Variants in CACNA2D1 observed in about 807,000 individuals in gnomAD.
CACNA2D1 encodes calcium voltage-gated channel auxiliary subunit alpha2delta 1, also known as voltage-dependent calcium channel subunit alpha-2/delta-1.
CACNA2D1 carries 53 observed loss-of-function variants against 171.5 expected under a neutral mutation model. The observed-to-expected ratio is 0.31, with a 90% confidence interval of 0.25 to 0.39. CACNA2D1 has a LOEUF of 0.39. Ranked by LOEUF, CACNA2D1 falls within the 10% of genes least tolerant of loss-of-function variation. The pLI, the probability that CACNA2D1 is intolerant of heterozygous loss-of-function variation, is 1.00. For synonymous variants in CACNA2D1, 442 were observed against 443.1 expected, an observed-to-expected ratio of 1.00 and a Z score of 0.03; for missense variants, 903 against 1,299.8, an observed-to-expected ratio of 0.69 and a Z score of 4.69.
At chr7:82,021,593 A>G (rs971065302) in intron 12 of CACNA2D1, among the ~76,000 whole-genome samples, 24 of 152,112 alleles carry the variant, frequency 1.6e-4, no homozygotes, top group African/African-American at 4.8e-4. Flanking sequence ...ACCATGCATC[A>G]AGTACTGTGC....
intron 10 of CACNA2D1, among the ~76,000 whole-genome samples, chr7:82,059,069 T>C (rs935630711): frequency 4.6e-5 from 7 of 152,144 alleles, no homozygotes; most frequent in Admixed American, 4.6e-4. Flanking sequence ...CTTTCTAGTC[T>C]CCCTTGGTGA....
chr7:82,033,007 A>G (rs189565990), intron 11 of CACNA2D1, 106 bp from the exon 12 acceptor site: 12 of 696,800 alleles, frequency 1.7e-5, no homozygotes, highest in Middle Eastern at 5.5e-4. Flanking sequence ...AATTAATGAA[A>G]TATCTGCTCA....
intron 1 of CACNA2D1, among the ~76,000 whole-genome samples, chr7:82,370,073 A>G (rs1370587160): frequency 2.0e-5 from 3 of 152,042 alleles, no homozygotes; most frequent in African/African-American, 7.2e-5. Context: ...TACCATAGAG[A>G]TATGTGAAAA....
chr7:82,043,097 TATAAA>T, intron 10 of CACNA2D1, among the ~76,000 whole-genome samples: 1 of 152,198 alleles, frequency 6.6e-6, no homozygotes, highest in South Asian at 2.1e-4. Flanking sequence ...TAGAAGCCAG[TATAAA>T]ATGTTGATCA....
rs1036944428 is a variant in CACNA2D1 at position 82,116,946 on chromosome 7, A to C, written c.526+98T>G. On this transcript the variant is annotated intron_variant, in intron 6 of 38. Transcript: ENST00000356860. ...CAGACTCTTATATGACAAACAAAAC[A>C]ATGTCACATTTGCTCTTTTTTTTCC... 7 of 1,297,184 alleles carry C rather than the reference A, an allele frequency of 5.4e-6. No homozygotes were observed. In the South Asian group the frequency reaches 8.3e-5, roughly 15 times the overall value. 80.4% of individuals were successfully genotyped at this position (1,297,184 alleles called of 1,614,324 possible). A position where few individuals can be genotyped will look rare whatever the true frequency, so the allele number is the denominator to read the frequency against.
intron 38 of CACNA2D1, among the ~76,000 whole-genome samples, chr7:81,956,044 G>T (rs1793291586): frequency 7.3e-6 from 1 of 137,280 alleles, no homozygotes; most frequent in Non-Finnish European, 1.5e-5. Flanking sequence ...CTGGAGTGCA[G>T]TGGCACAATC....
intron 18 of CACNA2D1, among the ~76,000 whole-genome samples, chr7:82,003,593 T>G (rs1014116359): frequency 6.7e-6 from 1 of 150,166 alleles, no homozygotes; most frequent in Non-Finnish European, 1.5e-5. Context: ...GATGGTAGAT[T>G]TATATATATA....
intron 5 of CACNA2D1, among the ~76,000 whole-genome samples, chr7:82,122,759 G>A (rs1789886935): frequency 6.6e-6 from 1 of 152,156 alleles, no homozygotes; most frequent in Admixed American, 6.6e-5. Context: ...CACTCCCCAT[G>A]GAAACCATGT....
intron 3 of CACNA2D1, among the ~76,000 whole-genome samples, chr7:82,262,390 T>C (rs1455297347): frequency 1.3e-5 from 2 of 152,156 alleles, no homozygotes; most frequent in Admixed American, 6.5e-5. Context: ...AGATATGTTA[T>C]CCTTTTACAT....
chr7:82,130,791 C>CTTTTTTTTTTTTTTTTTTTTTTTTTTTTT (rs71093363), intron 5 of CACNA2D1, among the ~76,000 whole-genome samples: 1 of 105,846 alleles, frequency 9.4e-6, no homozygotes. Context: ...TTGTTTTTGT[C>CTTTTTTTTTTTTTTTTTTTTTTTTTTTTT]TTTTTTTTTT....
At chr7:82,087,893 G>A (rs183979320) in intron 6 of CACNA2D1, among the ~76,000 whole-genome samples, 14 of 152,034 alleles carry the variant, frequency 9.2e-5, no homozygotes, top group Admixed American at 2.6e-4. Context: ...GCACAATACC[G>A]GCCATGCTAA....
chr7:82,261,015 C>G (rs965141658), intron 3 of CACNA2D1, among the ~76,000 whole-genome samples: 3 of 151,298 alleles, frequency 2.0e-5, no homozygotes, highest in African/African-American at 7.3e-5. Flanking sequence ...AGTGCAGTAG[C>G]GCAGTCTCGG....
chr7:82,405,110 T>A lies in CACNA2D1; in HGVS notation c.95+38255A>T, dbSNP rs199588744. Reference sequence around the variant, plus strand: ...ATACTGATATTCTCTTTATCATTTTTAAAATTATCTAATTACTCATTTAGA... The same window carrying A: ...ATACTGATATTCTCTTTATCATTTTAAAAATTATCTAATTACTCATTTAGA... On this transcript the variant is annotated intron_variant, in intron 1 of 38. Coordinates refer to ENST00000356860, the MANE Select transcript of CACNA2D1 (RefSeq NM_000722.4). Among the ~76,000 whole-genome samples, 8 of 152,286 alleles carry A rather than the reference T, an allele frequency of 5.3e-5. No homozygotes were observed. The East Asian group carries it at 1.5e-3, about 29-fold the overall frequency.
At chr7:82,178,982 A>T (rs1796832655) in intron 3 of CACNA2D1, among the ~76,000 whole-genome samples, 1 of 152,072 alleles carries the variant, frequency 6.6e-6, no homozygotes, top group Admixed American at 6.6e-5. Flanking sequence ...AACATCTATA[A>T]CTAGGTTCAC....
chr7:82,267,869 T>C (rs994274745), intron 3 of CACNA2D1, among the ~76,000 whole-genome samples: 3 of 151,898 alleles, frequency 2.0e-5, no homozygotes, highest in Non-Finnish European at 4.4e-5. Flanking sequence ...TGGTGGCGGG[T>C]GCCTGTAGTC....
At chr7:82,193,926 A>T (rs543725886) in intron 3 of CACNA2D1, among the ~76,000 whole-genome samples, 1 of 151,924 alleles carries the variant, frequency 6.6e-6, no homozygotes, top group Non-Finnish European at 1.5e-5. Flanking sequence ...TATCAACTTT[A>T]TGTCATATTT....
rs182585918 is a variant in CACNA2D1 at position 82,285,586 on chromosome 7, G to T, written c.294+49549C>A. 3.1e-4 allele frequency among the ~76,000 whole-genome samples: 47 copies of T among 152,210 alleles called. 1 individual carries two copies. The East Asian group carries it at 5.4e-3, about 18-fold the overall frequency. ...CTATCCATATATTATGGTAGCTTTG[G>T]GTTGCAGCACATTGGCTGGATCCAC... On this transcript the variant is annotated intron_variant, in intron 3 of 38. Coordinates refer to ENST00000356860, the MANE Select transcript of CACNA2D1 (RefSeq NM_000722.4).
intron 21 of CACNA2D1, among the ~76,000 whole-genome samples, chr7:81,985,713 T>C (rs566428137): frequency 6.6e-6 from 1 of 152,316 alleles, no homozygotes; most frequent in East Asian, 1.9e-4. Flanking sequence ...ACTGTGATTA[T>C]TCCACATTAT....
chr7:82,372,277 A>G (rs978340672), intron 1 of CACNA2D1, among the ~76,000 whole-genome samples: 3 of 152,160 alleles, frequency 2.0e-5, no homozygotes, highest in Non-Finnish European at 4.4e-5. Context: ...AGCTTAATTA[A>G]CTTACATATA....
Sources: gnomAD v4.1 joint callset for allele counts (sites outside exome capture counted in the v4.1 genomes callset) on GRCh38, gnomAD v4.1.1 for gene constraint, MANE v1.5 for transcripts, NCBI Gene and HGNC (gene_info 2026-07-23, HGNC 2026-07-21) for gene names.